The following PTPRE variants were observed in gnomAD, a reference collection of about 807,000 sequenced individuals.
The protein encoded by PTPRE is protein tyrosine phosphatase receptor type E.
In PTPRE, 51 loss-of-function variants were observed where a neutral mutation model predicts 102.0. That is an observed-to-expected ratio of 0.50 (90% CI 0.40 to 0.63). The LOEUF (loss-of-function observed/expected upper bound fraction) is 0.63, where lower values mean the gene tolerates loss of function less well. PTPRE is among the 30% of genes least tolerant of loss of function. PTPRE has a pLI of 0.00. For synonymous variants in PTPRE, 345 were observed against 348.2 expected, an observed-to-expected ratio of 0.99 and a Z score of 0.10; for missense variants, 752 against 915.1, an observed-to-expected ratio of 0.82 and a Z score of 2.30.
chr10:127,976,863 A>G (rs1269715894), intron 1 of PTPRE, among the ~76,000 whole-genome samples: 1 of 152,238 alleles, frequency 6.6e-6, no homozygotes, highest in Non-Finnish European at 1.5e-5. Flanking sequence ...TCTGAAGCCT[A>G]GATGATTCAG....
chr10:128,066,134 G>A lies in PTPRE; in HGVS notation c.783G>A (p.Val261=). The part of the protein sequence containing the change: ...QGCWTYGNIR[V]CVEDCVVLVD... Reference sequence around the variant, plus strand: ...GCTGGACCTATGGAAACATCCGGGTGTGCGTGGAGGACTGCGTGGTTTTGG... The same window carrying A: ...GCTGGACCTATGGAAACATCCGGGTATGCGTGGAGGACTGCGTGGTTTTGG... The change falls in exon 11 of 21, where the codon GTG becomes GTA. Residue 261 remains valine (V), a synonymous_variant. Coordinates refer to ENST00000254667, the MANE Select transcript of PTPRE (RefSeq NM_006504.6). 7 of 1,614,262 alleles carry A rather than the reference G, an allele frequency of 4.3e-6. No homozygotes were observed. Among genetic ancestry groups the A allele is most frequent in the South Asian group, 1.1e-5 (1 of 91,088 alleles).
chr10:128,050,456 A>T (rs1184850618), intron 6 of PTPRE, among the ~76,000 whole-genome samples: 1 of 150,532 alleles, frequency 6.6e-6, no homozygotes, highest in African/African-American at 2.4e-5. Context: ...TGGATGGATG[A>T]GTGGGAGGGC....
At chr10:128,080,674 G>T (rs538482280) in intron 20 of PTPRE, among the ~76,000 whole-genome samples, 6 of 152,296 alleles carry the variant, frequency 3.9e-5, no homozygotes, top group Admixed American at 2.0e-4. Flanking sequence ...CTTCCTGACC[G>T]CAGCTTGCCC....
At chr10:128,057,094 G>A (rs534052457) in intron 7 of PTPRE, among the ~76,000 whole-genome samples, 9 of 152,210 alleles carry the variant, frequency 5.9e-5, no homozygotes, top group African/African-American at 2.2e-4. Context: ...GTGGACGCCT[G>A]TAATTCCAGC....
intron 1 of PTPRE, among the ~76,000 whole-genome samples, chr10:127,930,652 C>G (rs1328395540): frequency 6.6e-6 from 1 of 152,174 alleles, no homozygotes; most frequent in Non-Finnish European, 1.5e-5. Context: ...ATTGCTGGCT[C>G]ACATGTTAAG....
At position 128,028,053 on chromosome 10, in the gene PTPRE, C is replaced by T. The variant is rs1161720702; in HGVS notation, c.-7-12822C>T. Reference sequence around the variant, plus strand: ...CTTCAGGGGAGGGTTCCGGCTTTGGCTGGGGGCGTGGGAGTCTCCAGAGGC... The same window carrying T: ...CTTCAGGGGAGGGTTCCGGCTTTGGTTGGGGGCGTGGGAGTCTCCAGAGGC... On this transcript the variant is annotated intron_variant, in intron 2 of 20. Coordinates refer to ENST00000254667, the MANE Select transcript of PTPRE (RefSeq NM_006504.6). The surrounding 1 kb of genome is among the most constrained non-coding windows in gnomAD (Gnocchi z 4.5). Among the ~76,000 whole-genome samples, 1 of 152,198 alleles carries T rather than the reference C, an allele frequency of 6.6e-6. No homozygotes were observed. Among genetic ancestry groups the T allele is most frequent in the African/African-American group, 2.4e-5 (1 of 41,456 alleles).
At position 128,049,592 on chromosome 10, in the gene PTPRE, C is replaced by G; in HGVS notation, c.346C>G (p.Pro116Ala). Reference sequence around the variant, plus strand: ...AGGGCCCAAGAAGTATTTTCCCATCCCCGTGGAGCACCTGGAGGAGGAGAT... The same window carrying G: ...AGGGCCCAAGAAGTATTTTCCCATCGCCGTGGAGCACCTGGAGGAGGAGAT... ...PSGPKKYFPI[P>A]VEHLEEEIRI... Residue 116 changes from proline (P) to alanine (A), a missense_variant, in exon 6 of 21, where the codon CCC (proline) becomes GCC (alanine). Transcript: ENST00000254667. 6.2e-7 allele frequency: 1 copy of G among 1,613,992 alleles called. No individual in the cohort carries two copies. Among genetic ancestry groups the G allele is most frequent in the Non-Finnish European group, 8.5e-7 (1 of 1,180,020 alleles).
intron 20 of PTPRE, among the ~76,000 whole-genome samples, chr10:128,082,033 C>T (rs1851752259): frequency 6.6e-6 from 1 of 152,166 alleles, no homozygotes; most frequent in Non-Finnish European, 1.5e-5. Flanking sequence ...CTCACATATC[C>T]CACCCAGGGG....
chr10:128,045,753 G>A (rs1848038950), intron 3 of PTPRE, among the ~76,000 whole-genome samples: 1 of 152,212 alleles, frequency 6.6e-6, no homozygotes. Flanking sequence ...GCTCTGCTGT[G>A]GGCAGGTTGG....
At chr10:128,063,207 A>G in intron 10 of PTPRE, 27 bp downstream of exon 10, 2 of 1,612,832 alleles carry the variant, frequency 1.2e-6, no homozygotes, top group Non-Finnish European at 1.7e-6. Context: ...TGGCCCCGGT[A>G]TCACTTCCTT....
At position 127,939,194 on chromosome 10, in the gene PTPRE, T is replaced by C. The variant is rs1471195816; in HGVS notation, c.-31+31885T>C. On this transcript the variant is annotated intron_variant, in intron 1 of 20. Transcript: ENST00000254667. ...GTGAAATCATTTGTGGTTCATGTTA[T>C]AGCTTTTTCAGTAACATGACTTGAG... is the stretch of plus-strand genomic sequence containing the variant. Among the ~76,000 whole-genome samples, 4 of 152,228 alleles carry C rather than the reference T, an allele frequency of 2.6e-5. No individual in the cohort carries two copies. The East Asian group carries it at 5.8e-4, about 22-fold the overall frequency.
At chr10:127,968,747 G>A (rs778971444) in intron 1 of PTPRE, among the ~76,000 whole-genome samples, 3 of 152,164 alleles carry the variant, frequency 2.0e-5, no homozygotes, top group Non-Finnish European at 4.4e-5. Context: ...ATAATAACTG[G>A]GTAGTTGTGA....
At chr10:127,940,942 G>T (rs1201557252) in intron 1 of PTPRE, among the ~76,000 whole-genome samples, 1 of 152,226 alleles carries the variant, frequency 6.6e-6, no homozygotes, top group Admixed American at 6.5e-5. Flanking sequence ...ACTCAGGCAG[G>T]TAGTGTCCAG....
At position 127,953,312 on chromosome 10, in the gene PTPRE, G is replaced by A. The variant is rs77769065; in HGVS notation, c.-30-28962G>A. Reference sequence around the variant, plus strand: ...CGGCAGGCCCCTATAGGTAAATCACGGTGAAGGCTCTTAGGATTTTTGAGA... The same window carrying A: ...CGGCAGGCCCCTATAGGTAAATCACAGTGAAGGCTCTTAGGATTTTTGAGA... On this transcript the variant is annotated intron_variant, in intron 1 of 20. Coordinates refer to ENST00000254667, the MANE Select transcript of PTPRE (RefSeq NM_006504.6). Among the ~76,000 whole-genome samples, 93 of 152,326 alleles carry A rather than the reference G, an allele frequency of 6.1e-4. No homozygotes were observed. In the East Asian group the frequency reaches 0.015, roughly 25 times the overall value.
Position 128,008,735 on chromosome 10 carries a change from G to A in PTPRE, c.-8+26439G>A, listed in dbSNP as rs185174387. Among the ~76,000 whole-genome samples, 55 of 152,320 alleles carry A rather than the reference G, an allele frequency of 3.6e-4. No homozygotes were observed. The highest frequency in any genetic ancestry group is 1.3e-3 in the African/African-American group (53 of 41,564). Reference sequence around the variant, plus strand: ...GGAGACGCAGGATCAGGGGCACAGAGCTGCCAGCCCTTTCTCAGAAGCACA... The same window carrying A: ...GGAGACGCAGGATCAGGGGCACAGAACTGCCAGCCCTTTCTCAGAAGCACA... On this transcript the variant is annotated intron_variant, in intron 2 of 20. Coordinates refer to ENST00000254667, the MANE Select transcript of PTPRE (RefSeq NM_006504.6). The surrounding 1 kb of genome is among the most constrained non-coding windows in gnomAD (Gnocchi z 4.0).
chr10:127,963,167 C>T (rs1849964143), intron 1 of PTPRE, among the ~76,000 whole-genome samples: 1 of 152,142 alleles, frequency 6.6e-6, no homozygotes, highest in African/African-American at 2.4e-5. Context: ...GTCCTGCTCC[C>T]ACCCAAGAGA....
At chr10:128,038,816 A>T (rs1036564978) in intron 2 of PTPRE, among the ~76,000 whole-genome samples, 1 of 152,186 alleles carries the variant, frequency 6.6e-6, no homozygotes, top group African/African-American at 2.4e-5. Context: ...ATATATATAT[A>T]CATATAAAAA....
Position 128,062,912 on chromosome 10 carries a change from G to A in PTPRE, c.626-171G>A, listed in dbSNP as rs375464482. 38 of 1,205,570 alleles carry A rather than the reference G, an allele frequency of 3.2e-5. No individual in the cohort carries two copies. In the African/African-American group the frequency reaches 5.8e-4, roughly 18 times the overall value. The allele number at this position is 1,205,570 out of a possible 1,614,324, so 74.7% of individuals were successfully genotyped here. A position where few individuals can be genotyped will look rare whatever the true frequency, so the allele number is the denominator to read the frequency against. ...GCTGGAGTGGGTGAGTGGCAGGACA[G>A]GCAGCCCCTACCGGTTCCGGAACGC... On this transcript the variant is annotated intron_variant, in intron 9 of 20. Transcript: ENST00000254667.
At chr10:128,065,587 T>C (rs1245237300) in intron 10 of PTPRE, among the ~76,000 whole-genome samples, 1 of 152,114 alleles carries the variant, frequency 6.6e-6, no homozygotes, top group African/African-American at 2.4e-5. Context: ...CAATCATAGG[T>C]TCATCACTCT....
Sources: gnomAD v4.1 joint callset for allele counts (sites outside exome capture counted in the v4.1 genomes callset) on GRCh38, gnomAD v4.1.1 for gene constraint, Gnocchi (gnomAD v3.1) non-coding constraint, MANE v1.5 for transcripts, NCBI Gene and HGNC (gene_info 2026-07-23, HGNC 2026-07-21) for gene names.